The following GFRA2 variants were observed in gnomAD, a reference collection of about 807,000 sequenced individuals.
The protein encoded by GFRA2 is GDNF family receptor alpha 2.
Under a neutral mutation model 48.3 loss-of-function variants are expected in GFRA2, and 17 were observed. That is an observed-to-expected ratio of 0.35 (90% CI 0.24 to 0.53). GFRA2 has a LOEUF of 0.53. Ranked by LOEUF, GFRA2 falls within the 20% of genes least tolerant of loss-of-function variation. The pLI, the probability that GFRA2 is intolerant of heterozygous loss-of-function variation, is 0.93. For missense variants in GFRA2, 660 were observed against 637.3 expected, an observed-to-expected ratio of 1.04 and a Z score of -0.38; for synonymous variants, 305 against 257.2, an observed-to-expected ratio of 1.19 and a Z score of -1.78.
rs763657940 is a variant in GFRA2 at position 21,767,269 on chromosome 8, TACAC to T, written c.439+7699_439+7702del. Among the ~76,000 whole-genome samples, 10 of 148,196 alleles carry T rather than the reference TACAC, an allele frequency of 6.7e-5. 1 individual carries two copies. Among genetic ancestry groups the T allele is most frequent in the East Asian group, 4.0e-4 (2 of 4,992 alleles). ...ATCACATACACACACCACCACCACA[TACAC>T]ACACACCACTGCCTATACATATCTA... On this transcript the variant is annotated intron_variant, in intron 3 of 8. Coordinates refer to ENST00000524240, the MANE Select transcript of GFRA2 (RefSeq NM_001495.5).
intron 4 of GFRA2, among the ~76,000 whole-genome samples, chr8:21,708,991 G>T (rs1176453187): frequency 6.6e-6 from 1 of 152,114 alleles, no homozygotes; most frequent in Admixed American, 6.5e-5. Context: ...TCTCCCTCCA[G>T]AAGAAGCTAA....
intron 1 of GFRA2, among the ~76,000 whole-genome samples, chr8:21,787,083 T>C (rs1044064335): frequency 6.6e-6 from 1 of 152,044 alleles, no homozygotes; most frequent in Admixed American, 6.5e-5. Flanking sequence ...GGACTCCCGG[T>C]GGTGCACAGC....
Position 21,705,075 on chromosome 8 carries a change from C to T in GFRA2, c.955G>A (p.Val319Met), listed in dbSNP as rs1371917439. 10 of 1,611,104 alleles carry T rather than the reference C, an allele frequency of 6.2e-6. No homozygotes were observed. Among genetic ancestry groups the T allele is most frequent in the East Asian group, 2.2e-5 (1 of 44,840 alleles). ...CCACGACAGCTGCACCAGGGGGACACCACGATGCCAGTGGGGCTGGAGTCC... is the reference window on the plus strand; with the variant it reads ...CCACGACAGCTGCACCAGGGGGACATCACGATGCCAGTGGGGCTGGAGTCC... ...YVDSSPTGIV[V>M]SPWCSCRGSG... is the part of the protein sequence containing the mutation. The change falls in exon 6 of 9, where the codon GTG becomes ATG. Residue 319 changes from valine to methionine, a missense_variant. Coordinates refer to ENST00000524240, the MANE Select transcript of GFRA2 (RefSeq NM_001495.5).
chr8:21,754,505 CTTT>C (rs59344047), intron 3 of GFRA2, among the ~76,000 whole-genome samples: 4 of 121,220 alleles, frequency 3.3e-5, no homozygotes, highest in African/African-American at 9.5e-5. Flanking sequence ...CTTTTTTTTT[CTTT>C]TTTTTTTTTT....
chr8:21,762,880 G>T (rs967898696), intron 3 of GFRA2, among the ~76,000 whole-genome samples: 1 of 152,006 alleles, frequency 6.6e-6, no homozygotes, highest in Non-Finnish European at 1.5e-5. Flanking sequence ...TGATGAGTTG[G>T]GTTTAATTTT....
intron 3 of GFRA2, among the ~76,000 whole-genome samples, chr8:21,774,557 A>T (rs1806599847): frequency 6.6e-6 from 1 of 152,204 alleles, no homozygotes; most frequent in African/African-American, 2.4e-5. Flanking sequence ...ACCTCGCAGC[A>T]ATCCAATGAG....
chr8:21,750,863 G>A lies in GFRA2; in HGVS notation c.519C>T (p.Asn173=), dbSNP rs1174114454. 5.6e-6 allele frequency: 9 copies of A among 1,613,916 alleles called. No homozygotes were observed. Among genetic ancestry groups the A allele is most frequent in the South Asian group, 2.2e-5 (2 of 91,086 alleles). ...TGTAGGAGGAGCGCAGCTTCTTGCA[G>A]TTGTCATTCAGGTTGCAGGCCTTGG... The part of the protein sequence containing the change: ...DAAKACNLND[N]CKKLRSSYIS... Residue 173 remains asparagine, a synonymous_variant, in exon 4 of 9, where the codon AAC becomes AAT. Transcript: ENST00000524240. This position sits in a 1 kb window ranked among gnomAD's most constrained non-coding sequence, Gnocchi z 5.7.
chr8:21,702,930 G>A lies in GFRA2; in HGVS notation c.1093C>T (p.Pro365Ser), dbSNP rs533919021. ...GTGGCCTGGAACGAGGGGCCTTTTG[G>A]GGACACGTTCACGTCCGTGCCGTTG... ...FGNGTDVNVS[P>S]KGPSFQATQA... Residue 365 changes from proline to serine, a missense_variant, in exon 7 of 9, where the codon CCA becomes TCA. Transcript: ENST00000524240. 1.3e-6 allele frequency: 2 copies of A among 1,578,954 alleles called. No individual in the cohort carries two copies. The highest frequency in any genetic ancestry group is 8.6e-7 in the Non-Finnish European group (1 of 1,165,762).
At chr8:21,758,119 A>G (rs1382699444) in intron 3 of GFRA2, among the ~76,000 whole-genome samples, 1 of 151,568 alleles carries the variant, frequency 6.6e-6, no homozygotes, top group Non-Finnish European at 1.5e-5. Flanking sequence ...TCTGGATTTC[A>G]CAAGCTCCCT....
intron 4 of GFRA2, among the ~76,000 whole-genome samples, chr8:21,711,055 T>C (rs928339474): frequency 6.6e-6 from 1 of 152,208 alleles, no homozygotes; most frequent in Non-Finnish European, 1.5e-5. Context: ...ACTCCAGCCA[T>C]GACCCCTCGC....
intron 3 of GFRA2, among the ~76,000 whole-genome samples, chr8:21,771,477 C>A (rs1806436248): frequency 6.6e-6 from 1 of 152,200 alleles, no homozygotes; most frequent in East Asian, 1.9e-4. Flanking sequence ...GACTCATTGA[C>A]CCACTGCTGA....
At chr8:21,761,897 C>T (rs893265505) in intron 3 of GFRA2, among the ~76,000 whole-genome samples, 1 of 151,952 alleles carries the variant, frequency 6.6e-6, no homozygotes, top group Admixed American at 6.6e-5. Flanking sequence ...TTGCAGTGAG[C>T]TGAGGGCTGT....
intron 4 of GFRA2, among the ~76,000 whole-genome samples, chr8:21,710,301 AG>A (rs1230973474): frequency 6.6e-6 from 1 of 152,240 alleles, no homozygotes; most frequent in Non-Finnish European, 1.5e-5. Flanking sequence ...CGATGGAGAC[AG>A]GAGGCACCAT....
rs557652548 is a variant in GFRA2 at position 21,810,785 on chromosome 8, T to G, written c.-148+1446A>C. On this transcript the variant is annotated intron_variant, in intron 1 of 10. Coordinates refer to the GFRA2 transcript ENST00000517328. ...ATGGGGCCCCTGGAATGAAGTGAGGTGGGCACTGAGGTGTAAGTGAGGCTC... is the reference window on the plus strand; with the variant it reads ...ATGGGGCCCCTGGAATGAAGTGAGGGGGGCACTGAGGTGTAAGTGAGGCTC... 2.0e-5 allele frequency among the ~76,000 whole-genome samples: 3 copies of G among 152,004 alleles called. No homozygotes were observed. In the South Asian group the frequency reaches 6.2e-4, roughly 32 times the overall value.
upstream of GFRA2, among the ~76,000 whole-genome samples, chr8:21,790,660 C>T (rs1014681171): frequency 6.6e-5 from 10 of 152,298 alleles, no homozygotes; most frequent in Non-Finnish European, 1.2e-4. Context: ...TCCAGTTGTG[C>T]CTGCTTCGAG....
intron 1 of GFRA2, among the ~76,000 whole-genome samples, chr8:21,783,689 C>T (rs79534610): frequency 0.076 from 11,529 of 151,988 alleles, 492 homozygotes; most frequent in African/African-American, 0.1. Flanking sequence ...CTGAACTCTC[C>T]TCTTCCGAGA....
At chr8:21,780,426 C>T (rs995854653) in intron 2 of GFRA2, among the ~76,000 whole-genome samples, 1 of 152,126 alleles carries the variant, frequency 6.6e-6, no homozygotes, top group Non-Finnish European at 1.5e-5. Flanking sequence ...TCCCCAGCAC[C>T]TTCTCAGCTC....
intron 4 of GFRA2, among the ~76,000 whole-genome samples, chr8:21,719,479 T>C (rs117696447): frequency 0.016 from 2,439 of 152,344 alleles, 34 homozygotes; most frequent in Middle Eastern, 0.048. Flanking sequence ...CATCATTTGA[T>C]TTTAATTGAA....
chr8:21,722,820 G>A (rs1347774733), intron 4 of GFRA2, among the ~76,000 whole-genome samples: 1 of 152,208 alleles, frequency 6.6e-6, no homozygotes, highest in Non-Finnish European at 1.5e-5. Flanking sequence ...CAGAGGACTG[G>A]GAGCCATGCC....
Sources: gnomAD v4.1 joint callset for allele counts (sites outside exome capture counted in the v4.1 genomes callset) on GRCh38, gnomAD v4.1.1 for gene constraint, Gnocchi (gnomAD v3.1) non-coding constraint, MANE v1.5 for transcripts, NCBI Gene and HGNC (gene_info 2026-07-23, HGNC 2026-07-21) for gene names.